CDC42SE2: variants seen among roughly 807,000 people sequenced by gnomAD.
CDC42SE2 encodes CDC42 small effector 2.
In CDC42SE2, 3 loss-of-function variants were observed where a neutral mutation model predicts 11.5. That is an observed-to-expected ratio of 0.26 (90% CI 0.12 to 0.67). CDC42SE2 has a LOEUF of 0.67. CDC42SE2 is among the 30% of genes least tolerant of loss of function. The pLI is 0.80. For synonymous variants in CDC42SE2, 33 were observed against 34.8 expected, an observed-to-expected ratio of 0.95 and a Z score of 0.18; for missense variants, 82 against 106.8, an observed-to-expected ratio of 0.77 and a Z score of 1.02.
chr5:131,383,377 G>T (rs1056002910), intron 3 of CDC42SE2, among the ~76,000 whole-genome samples: 2 of 152,092 alleles, frequency 1.3e-5, no homozygotes, highest in African/African-American at 4.8e-5. Context: ...TGTGGAACAG[G>T]GCCCCAAAAG....
intron 1 of CDC42SE2, among the ~76,000 whole-genome samples, chr5:131,301,033 A>G (rs1292391672): frequency 6.6e-6 from 1 of 152,152 alleles, no homozygotes; most frequent in Admixed American, 6.5e-5. Context: ...CAGGGAGGTA[A>G]CCTCCCAACA....
At chr5:131,297,176 A>G (rs1027528039) in intron 1 of CDC42SE2, among the ~76,000 whole-genome samples, 3 of 118,324 alleles carry the variant, frequency 2.5e-5, no homozygotes, top group African/African-American at 9.6e-5. Flanking sequence ...TTTTTTTTGC[A>G]TTTTTGTTCT....
At chr5:131,338,210 A>T (rs953742400) in intron 2 of CDC42SE2, among the ~76,000 whole-genome samples, 13 of 152,228 alleles carry the variant, frequency 8.5e-5, no homozygotes, top group African/African-American at 3.1e-4. Context: ...TGTACTGGCC[A>T]GTAGGCACCT....
At chr5:131,260,479 C>T (rs1304918912), upstream of CDC42SE2, among the ~76,000 whole-genome samples, 2 of 150,826 alleles carry the variant, frequency 1.3e-5, no homozygotes, top group Non-Finnish European at 3.0e-5. Context: ...AAAAATTAGC[C>T]AGGCGTGGTG....
chr5:131,314,739 G>A (rs989395262), intron 1 of CDC42SE2, among the ~76,000 whole-genome samples: 15 of 152,100 alleles, frequency 9.9e-5, no homozygotes, highest in Admixed American at 8.5e-4. Flanking sequence ...AAATGTGTAA[G>A]TTTATAAAAT....
the CDC42SE2 span, among the ~76,000 whole-genome samples, chr5:131,223,536 T>C: frequency 1.3e-5 from 2 of 152,176 alleles, no homozygotes; most frequent in African/African-American, 2.4e-5. Context: ...ATATGAACTA[T>C]TTCTGTTCTG....
intron 2 of CDC42SE2, among the ~76,000 whole-genome samples, chr5:131,339,715 CAGG>C (rs1265972733): frequency 6.6e-6 from 1 of 151,078 alleles, no homozygotes; most frequent in African/African-American, 2.4e-5. Context: ...GAGGCTGAGG[CAGG>C]AGAATTGCTT....
chr5:131,231,693 C>G, the CDC42SE2 span, among the ~76,000 whole-genome samples: 1 of 152,108 alleles, frequency 6.6e-6, no homozygotes, highest in African/African-American at 2.4e-5. Context: ...ACCAGTCTTA[C>G]CTTTGCTTTT....
At chr5:131,212,149 C>T in the CDC42SE2 span, among the ~76,000 whole-genome samples, 1 of 151,518 alleles carries the variant, frequency 6.6e-6, no homozygotes, top group African/African-American at 2.4e-5. Flanking sequence ...ACTCTGTCAC[C>T]CAGGCTGGAG....
Position 131,391,269 on chromosome 5 carries a change from G to T in CDC42SE2, c.*178G>T. 1 of 267,822 alleles carries T rather than the reference G, an allele frequency of 3.7e-6. No individual in the cohort carries two copies. The highest frequency in any genetic ancestry group is 6.9e-6 in the Non-Finnish European group (1 of 145,734). The allele number at this position is 267,822 out of a possible 1,614,324, so 16.6% of individuals were successfully genotyped here. On this transcript the variant is annotated 3_prime_UTR_variant, in exon 5 of 5. Coordinates refer to ENST00000505065, the MANE Select transcript of CDC42SE2 (RefSeq NM_001375635.1). Reference sequence around the variant, plus strand: ...TTCTGCACTTGGAATGTAAGTTTTAGGTTCTTTTCCTTATTAAGAACTTTA... The same window carrying T: ...TTCTGCACTTGGAATGTAAGTTTTATGTTCTTTTCCTTATTAAGAACTTTA...
intron 1 of CDC42SE2, among the ~76,000 whole-genome samples, chr5:131,310,612 T>G (rs1268655623): frequency 2.6e-5 from 4 of 151,604 alleles, no homozygotes; most frequent in African/African-American, 9.7e-5. Flanking sequence ...CAGGACTTGC[T>G]TTATGAATCT....
At chr5:131,337,198 C>G (rs1408886212) in intron 2 of CDC42SE2, among the ~76,000 whole-genome samples, 1 of 152,192 alleles carries the variant, frequency 6.6e-6, no homozygotes, top group Admixed American at 6.5e-5. Flanking sequence ...TCAGGACCCT[C>G]AACTGCAGGT....
intron 2 of CDC42SE2, among the ~76,000 whole-genome samples, chr5:131,338,969 C>T (rs746847257): frequency 2.6e-5 from 4 of 151,968 alleles, no homozygotes; most frequent in Admixed American, 1.3e-4. Flanking sequence ...TTGTTCAGGC[C>T]GGGCGTGGTG....
At chr5:131,223,269 T>C in the CDC42SE2 span, among the ~76,000 whole-genome samples, 1 of 152,190 alleles carries the variant, frequency 6.6e-6, no homozygotes, top group African/African-American at 2.4e-5. Flanking sequence ...GAATGCCCCT[T>C]ATCTGGCTTT....
chr5:131,267,842 T>C (rs1263043919), intron 1 of CDC42SE2, among the ~76,000 whole-genome samples: 1 of 152,112 alleles, frequency 6.6e-6, no homozygotes, highest in East Asian at 1.9e-4. Context: ...TGGGATAGTT[T>C]GTTAAGGTTT....
At chr5:131,212,890 T>TA in the CDC42SE2 span, among the ~76,000 whole-genome samples, 23 of 151,188 alleles carry the variant, frequency 1.5e-4, no homozygotes, top group Non-Finnish European at 2.4e-4. Context: ...GCACATTGTA[T>TA]AAAAAAAAAT....
At chr5:131,247,611 T>G (rs572752307) in intron 1 of CDC42SE2, among the ~76,000 whole-genome samples, 7 of 151,930 alleles carry the variant, frequency 4.6e-5, no homozygotes, top group Non-Finnish European at 7.4e-5. Flanking sequence ...GCAGCAAGAC[T>G]CCGTCTCAGA....
At chr5:131,297,870 C>G (rs1293726750) in intron 1 of CDC42SE2, among the ~76,000 whole-genome samples, 1 of 151,992 alleles carries the variant, frequency 6.6e-6, no homozygotes, top group East Asian at 1.9e-4. Context: ...TGGCTTTTCA[C>G]ACAGGGTCAA....
chr5:131,336,465 C>T lies in CDC42SE2; in HGVS notation c.-286+20321C>T, dbSNP rs182453171. Among the ~76,000 whole-genome samples the T allele has an allele frequency of 7.3e-3, 1,113 of 152,132 alleles. 15 individuals carry two copies. Among genetic ancestry groups the T allele is most frequent in the African/African-American group, 0.026 (1,066 of 41,496 alleles). ...TTACGTGTCTTGGAGTTGCTCTTCTCGAGGAGTATCTTTGTGGTGTTCTCT... is the reference window on the plus strand; with the variant it reads ...TTACGTGTCTTGGAGTTGCTCTTCTTGAGGAGTATCTTTGTGGTGTTCTCT... On this transcript the variant is annotated intron_variant, in intron 2 of 4. Transcript: ENST00000505065.
Sources: gnomAD v4.1 joint callset for allele counts (sites outside exome capture counted in the v4.1 genomes callset) on GRCh38, gnomAD v4.1.1 for gene constraint, MANE v1.5 for transcripts, NCBI Gene and HGNC (gene_info 2026-07-23, HGNC 2026-07-21) for gene names.